The following PDZD2 variants were observed in gnomAD, a reference collection of about 807,000 sequenced individuals.
PDZD2 encodes the protein PDZ domain containing 2.
Under a neutral mutation model 220.7 loss-of-function variants are expected in PDZD2, and 90 were observed. The observed-to-expected ratio is 0.41, with a 90% CI of 0.34 to 0.49. PDZD2 has a LOEUF of 0.49. Ranked by LOEUF, PDZD2 falls within the 20% of genes least tolerant of loss-of-function variation. The pLI is 0.28. For synonymous variants in PDZD2, 1,375 were observed against 1,450.5 expected (o/e 0.95, Z 1.18); for missense variants, 3,174 against 3,608.5 (o/e 0.88, Z 3.08).
At chr5:32,030,169 C>T (rs553675599) in intron 6 of PDZD2, among the ~76,000 whole-genome samples, 1 of 152,352 alleles carries the variant, frequency 6.6e-6, no homozygotes, top group Non-Finnish European at 1.5e-5. Context: ...TTCAGTCAGT[C>T]CTGGGCCACA....
chr5:31,879,386 C>G (rs1036008722), intron 2 of PDZD2, among the ~76,000 whole-genome samples: 29 of 90,942 alleles, frequency 3.2e-4, no homozygotes, highest in African/African-American at 1.4e-3. Flanking sequence ...GACTCTGTCT[C>G]AAAAAGGAAA....
chr5:31,885,452 G>A (rs543865451), intron 2 of PDZD2, among the ~76,000 whole-genome samples: 1 of 152,130 alleles, frequency 6.6e-6, no homozygotes, highest in Non-Finnish European at 1.5e-5. Context: ...GTGTTCTAAA[G>A]AAGTACTTGC....
chr5:31,768,691 G>A (rs1488761766), intron 1 of PDZD2, among the ~76,000 whole-genome samples: 2 of 151,678 alleles, frequency 1.3e-5, no homozygotes, highest in African/African-American at 4.8e-5. Flanking sequence ...CAGCAGTGAT[G>A]AGGCTGAACT....
At chr5:31,890,049 C>G (rs987685175) in intron 2 of PDZD2, among the ~76,000 whole-genome samples, 2 of 150,212 alleles carry the variant, frequency 1.3e-5, no homozygotes, top group African/African-American at 4.9e-5. Context: ...ACAAACACCC[C>G]CCCACCCCCA....
chr5:32,058,547 G>T (rs936569091), intron 12 of PDZD2, among the ~76,000 whole-genome samples: 2 of 151,392 alleles, frequency 1.3e-5, no homozygotes, highest in African/African-American at 2.4e-5. Context: ...GGTGGCAAGC[G>T]CCTGTAATCC....
chr5:32,051,630 A>G (rs1738559583), intron 8 of PDZD2, among the ~76,000 whole-genome samples: 1 of 152,200 alleles, frequency 6.6e-6, no homozygotes, highest in Non-Finnish European at 1.5e-5. Flanking sequence ...TTTATGTTCT[A>G]AGGAGCGCAG....
chr5:31,670,331 T>C (rs1198827288), intron 1 of PDZD2, among the ~76,000 whole-genome samples: 1 of 152,222 alleles, frequency 6.6e-6, no homozygotes, highest in Admixed American at 6.5e-5. Flanking sequence ...CAAATACTTT[T>C]GGTGAAGATT....
chr5:31,839,067 G>A (rs964661364), intron 2 of PDZD2, among the ~76,000 whole-genome samples: 2 of 152,164 alleles, frequency 1.3e-5, no homozygotes, highest in African/African-American at 2.4e-5. Context: ...CTGCGTACAG[G>A]TTGCCCTCTC....
chr5:31,802,919 CAAAAAAAA>C (rs34901917), intron 2 of PDZD2, among the ~76,000 whole-genome samples: 1 of 56,184 alleles, frequency 1.8e-5, no homozygotes, highest in East Asian at 5.2e-4. Context: ...GACTCTGTCT[CAAAAAAAA>C]AAAAAAAAAA....
intron 2 of PDZD2, among the ~76,000 whole-genome samples, chr5:31,835,489 C>T (rs1192164905): frequency 6.6e-6 from 1 of 151,900 alleles, no homozygotes; most frequent in Non-Finnish European, 1.5e-5. Flanking sequence ...TGGTGGCGGA[C>T]ACCTGTAATT....
At chr5:31,842,200 T>C (rs958656663) in intron 2 of PDZD2, among the ~76,000 whole-genome samples, 13 of 152,202 alleles carry the variant, frequency 8.5e-5, no homozygotes, top group African/African-American at 2.7e-4. Flanking sequence ...TAGCGGGGAT[T>C]TGCATATATT....
At chr5:31,847,694 G>A in intron 2 of PDZD2, 1 of 605,816 alleles carries the variant, frequency 1.7e-6, no homozygotes, top group Middle Eastern at 4.5e-4. Flanking sequence ...GCCTTTACCT[G>A]CTATTTGGAT....
At chr5:31,885,999 A>C (rs1740430442) in intron 2 of PDZD2, among the ~76,000 whole-genome samples, 1 of 151,838 alleles carries the variant, frequency 6.6e-6, no homozygotes, top group Admixed American at 6.6e-5. Flanking sequence ...TCCCGGGTTC[A>C]AGTGATTCTC....
intron 1 of PDZD2, among the ~76,000 whole-genome samples, chr5:31,795,670 A>C (rs1429420959): frequency 1.3e-5 from 2 of 152,186 alleles, no homozygotes; most frequent in Non-Finnish European, 2.9e-5. Flanking sequence ...TGCACACTGG[A>C]GTGTTTTATT....
intron 2 of PDZD2, among the ~76,000 whole-genome samples, chr5:31,979,849 C>G (rs1398488445): frequency 6.6e-6 from 1 of 152,178 alleles, no homozygotes; most frequent in East Asian, 1.9e-4. Flanking sequence ...AGGTTTGGAT[C>G]TGCTGCTCAG....
intron 2 of PDZD2, among the ~76,000 whole-genome samples, chr5:31,816,204 C>T (rs1443816269): frequency 2.0e-5 from 3 of 150,292 alleles, no homozygotes; most frequent in Admixed American, 6.7e-5. Context: ...AGGAGAATGG[C>T]ATGAACCCGG....
intron 1 of PDZD2, among the ~76,000 whole-genome samples, chr5:31,649,186 C>G (rs1477707494): frequency 1.3e-5 from 2 of 151,960 alleles, no homozygotes; most frequent in East Asian, 3.9e-4. Context: ...CCAGAGGGGT[C>G]GTTTAAAAAC....
intron 2 of PDZD2, among the ~76,000 whole-genome samples, chr5:31,863,039 C>T (rs1473998693): frequency 6.6e-6 from 1 of 152,112 alleles, no homozygotes; most frequent in Non-Finnish European, 1.5e-5. Context: ...CCATGGCGCC[C>T]AGCCAATTTT....
intron 6 of PDZD2, among the ~76,000 whole-genome samples, chr5:32,015,899 G>T (rs1274007398): frequency 1.3e-5 from 2 of 152,190 alleles, no homozygotes; most frequent in Non-Finnish European, 2.9e-5. Context: ...ATCTGCAATT[G>T]TAAAGCTCAG....
Sources: allele counts gnomAD v4.1 joint callset (sites outside exome capture counted in the v4.1 genomes callset), GRCh38; gene constraint gnomAD v4.1.1; transcripts MANE v1.5; gene names NCBI Gene and HGNC (gene_info 2026-07-23, HGNC 2026-07-21).